Variants in CSMD3 observed in about 807,000 individuals in gnomAD.
CSMD3 encodes CUB and Sushi multiple domains 3.
CSMD3 carries 177 observed loss-of-function variants against 435.2 expected under a neutral mutation model. That is an observed-to-expected ratio of 0.41 (90% CI 0.36 to 0.46). The LOEUF (loss-of-function observed/expected upper bound fraction) is 0.46. Ranked by LOEUF, CSMD3 falls within the 20% of genes least tolerant of loss-of-function variation. The pLI is 0.34. For synonymous variants in CSMD3, 1,656 were observed against 1,520.5 expected, an observed-to-expected ratio of 1.09 and a Z score of -2.07; for missense variants, 4,265 against 4,504.6, an observed-to-expected ratio of 0.95 and a Z score of 1.52.
chr8:112,376,595 G>C (rs1240446438), intron 38 of CSMD3, among the ~76,000 whole-genome samples: 1 of 151,926 alleles, frequency 6.6e-6, no homozygotes, highest in East Asian at 1.9e-4. Context: ...GTGATGTTGA[G>C]GAGCTAATAC....
At chr8:112,805,510 T>C (rs547470580) in intron 12 of CSMD3, among the ~76,000 whole-genome samples, 1 of 152,260 alleles carries the variant, frequency 6.6e-6, no homozygotes, top group Non-Finnish European at 1.5e-5. Context: ...ATAAAGACAC[T>C]CACCCTGTAA....
chr8:113,436,737 T>C lies in CSMD3; in HGVS notation c.118A>G (p.Ile40Val). The change falls in exon 1 of 71, where the codon ATT becomes GTT. Residue 40 changes from isoleucine to valine, a missense_variant. Ile to Val is a conservative substitution (Grantham distance 29). This residue lies in a region of CSMD3 where 731 missense variants were observed against 755.4 expected (regional missense o/e 0.97). Coordinates refer to ENST00000297405, the MANE Select transcript of CSMD3 (RefSeq NM_198123.2). ...LDFILMKKMG[I>V]KSGFTFWNLV... ...TTCCAAAACGTAAATCCACTTTTAA[T>C]CCCCATTTTCTTCATCAGGATGAAG... 1 of 1,614,136 alleles carries C rather than the reference T, an allele frequency of 6.2e-7. No homozygotes were observed. Among genetic ancestry groups the C allele is most frequent in the African/African-American group, 1.3e-5 (1 of 75,028 alleles).
intron 13 of CSMD3, among the ~76,000 whole-genome samples, chr8:112,755,594 A>G (rs2077680202): frequency 6.6e-6 from 1 of 150,390 alleles, no homozygotes; most frequent in South Asian, 2.1e-4. Context: ...TTTATAAATT[A>G]CCCAGTCTCA....
At chr8:113,105,282 C>T (rs1447523893) in intron 4 of CSMD3, among the ~76,000 whole-genome samples, 1 of 151,918 alleles carries the variant, frequency 6.6e-6, no homozygotes, top group African/African-American at 2.4e-5. Flanking sequence ...AAGGAGAGCC[C>T]TATTATCACT....
At chr8:113,030,668 G>T (rs375924303) in intron 5 of CSMD3, among the ~76,000 whole-genome samples, 2 of 150,956 alleles carry the variant, frequency 1.3e-5, no homozygotes, top group East Asian at 3.9e-4. Flanking sequence ...TAACAAATTG[G>T]ACATCATCAA....
At chr8:112,969,473 A>G (rs1379200305) in intron 7 of CSMD3, among the ~76,000 whole-genome samples, 1 of 152,032 alleles carries the variant, frequency 6.6e-6, no homozygotes, top group Non-Finnish European at 1.5e-5. Flanking sequence ...GCATAATTTC[A>G]TGTAACTTTA....
chr8:112,583,688 G>T (rs1830501177), intron 23 of CSMD3, among the ~76,000 whole-genome samples: 1 of 151,694 alleles, frequency 6.6e-6, no homozygotes, highest in Admixed American at 6.6e-5. Context: ...ATACATTAAT[G>T]GATAGAAGGG....
At chr8:113,031,286 A>G (rs914966162) in intron 5 of CSMD3, among the ~76,000 whole-genome samples, 1 of 151,740 alleles carries the variant, frequency 6.6e-6, no homozygotes, top group African/African-American at 2.4e-5. Flanking sequence ...ACTGTAGCAT[A>G]TCCATATCAT....
intron 45 of CSMD3, among the ~76,000 whole-genome samples, chr8:112,324,467 T>G (rs1823302925): frequency 6.6e-6 from 1 of 152,116 alleles, no homozygotes; most frequent in Non-Finnish European, 1.5e-5. Flanking sequence ...TAATAGGTGC[T>G]GGAAATGCAA....
At chr8:113,288,034 C>G (rs2093659153) in intron 2 of CSMD3, among the ~76,000 whole-genome samples, 1 of 151,854 alleles carries the variant, frequency 6.6e-6, no homozygotes, top group Non-Finnish European at 1.5e-5. Flanking sequence ...AGGTTATTTT[C>G]TAGTAAATTA....
chr8:112,573,132 A>T (rs937904541), intron 24 of CSMD3, among the ~76,000 whole-genome samples: 3 of 152,122 alleles, frequency 2.0e-5, no homozygotes, highest in Non-Finnish European at 4.4e-5. Flanking sequence ...AATAATAATC[A>T]TTGCATCTTT....
chr8:113,211,823 A>G (rs1296130616), intron 3 of CSMD3, among the ~76,000 whole-genome samples: 3 of 152,210 alleles, frequency 2.0e-5, no homozygotes, highest in Non-Finnish European at 4.4e-5. Flanking sequence ...AAGATTTCAC[A>G]TGCTACTTCT....
At chr8:112,452,707 G>A (rs1816422650) in intron 32 of CSMD3, among the ~76,000 whole-genome samples, 1 of 152,128 alleles carries the variant, frequency 6.6e-6, no homozygotes. Context: ...TCACTCATCT[G>A]TTGCTTATTT....
chr8:112,314,122 CT>C, intron 48 of CSMD3, 70 bp from the exon 49 acceptor site: 1 of 1,185,490 alleles, frequency 8.4e-7, no homozygotes, highest in Non-Finnish European at 1.2e-6. Context: ...TATTTTATAT[CT>C]TTAGAATAGT....
intron 40 of CSMD3, 91 bp from the exon 41 acceptor site, chr8:112,346,304 GCT>G (rs1825663473): frequency 1.2e-6 from 1 of 833,070 alleles, no homozygotes; most frequent in South Asian, 1.4e-5. Flanking sequence ...CGTTTTCAAG[GCT>G]CTGAGTTAAA....
chr8:112,334,943 A>G (rs541117630), intron 45 of CSMD3, among the ~76,000 whole-genome samples: 1 of 152,316 alleles, frequency 6.6e-6, no homozygotes, highest in East Asian at 1.9e-4. Context: ...CTGAATGCCA[A>G]TTTTAGAAAG....
intron 27 of CSMD3, among the ~76,000 whole-genome samples, chr8:112,531,628 G>A (rs1586614118): frequency 6.6e-6 from 1 of 152,260 alleles, no homozygotes; most frequent in Non-Finnish European, 1.5e-5. Context: ...TCCACTAGAT[G>A]GTTGCAGTGC....
intron 12 of CSMD3, among the ~76,000 whole-genome samples, chr8:112,805,627 C>T (rs936260176): frequency 7.2e-5 from 11 of 152,180 alleles, no homozygotes; most frequent in Non-Finnish European, 8.8e-5. Flanking sequence ...GCTCCATTCA[C>T]GCCTTTAGTT....
At chr8:113,047,759 T>A (rs904584642) in intron 5 of CSMD3, among the ~76,000 whole-genome samples, 28 of 152,226 alleles carry the variant, frequency 1.8e-4, no homozygotes, top group Admixed American at 1.8e-3. Flanking sequence ...AGTTGCAGAA[T>A]AATGGAACAA....
Sources: allele counts gnomAD v4.1 joint callset (sites outside exome capture counted in the v4.1 genomes callset), GRCh38; gene constraint gnomAD v4.1.1; regional missense constraint gnomAD v4.1.1; transcripts MANE v1.5; gene names NCBI Gene and HGNC (gene_info 2026-07-23, HGNC 2026-07-21).